The following RALGAPA1 variants were observed in gnomAD, a reference collection of about 807,000 sequenced individuals.
RALGAPA1 encodes ral GTPase-activating protein subunit alpha-1.
A neutral mutation model predicts 269.6 loss-of-function variants in RALGAPA1; 52 were observed. That is an observed-to-expected ratio of 0.19 (90% confidence interval 0.15 to 0.24). The LOEUF (loss-of-function observed/expected upper bound fraction) is 0.24. Among genes scored for constraint, RALGAPA1 ranks in the 10% least tolerant of loss-of-function variants. The pLI is 1.00. For synonymous variants in RALGAPA1, 817 were observed against 1,008.3 expected, an observed-to-expected ratio of 0.81 and a Z score of 3.60; for missense variants, 1,917 against 3,013.9, an observed-to-expected ratio of 0.64 and a Z score of 8.52.
chr14:35,684,237 A>G (rs1354369660), intron 20 of RALGAPA1, among the ~76,000 whole-genome samples: 2 of 152,166 alleles, frequency 1.3e-5, no homozygotes, highest in Non-Finnish European at 2.9e-5. Flanking sequence ...CTTAGTTCCC[A>G]AGGTTTTGAC....
At chr14:35,773,045 T>C (rs977396693) in intron 3 of RALGAPA1, among the ~76,000 whole-genome samples, 3 of 152,172 alleles carry the variant, frequency 2.0e-5, no homozygotes, top group African/African-American at 7.2e-5. Flanking sequence ...ATAATTATAT[T>C]TATTTTTGTA....
chr14:35,611,806 A>G (rs1488157170), intron 35 of RALGAPA1, among the ~76,000 whole-genome samples: 1 of 152,184 alleles, frequency 6.6e-6, no homozygotes, highest in Non-Finnish European at 1.5e-5. Context: ...AATTCACAGG[A>G]AAATGTAATA....
At chr14:35,632,639 CT>C (rs2061429576) in intron 33 of RALGAPA1, among the ~76,000 whole-genome samples, 1 of 152,138 alleles carries the variant, frequency 6.6e-6, no homozygotes, top group African/African-American at 2.4e-5. Flanking sequence ...CAAATGATGA[CT>C]TTTTGCTAAT....
At chr14:35,650,548 A>G (rs182697984) in intron 31 of RALGAPA1, among the ~76,000 whole-genome samples, 44 of 152,316 alleles carry the variant, frequency 2.9e-4, no homozygotes, top group African/African-American at 8.9e-4. Flanking sequence ...GTTTTGAGGT[A>G]AACACATGAA....
intron 16 of RALGAPA1, among the ~76,000 whole-genome samples, chr14:35,700,573 G>A (rs2067256809): frequency 1.3e-5 from 2 of 152,106 alleles, no homozygotes; most frequent in Non-Finnish European, 2.9e-5. Context: ...TTAAACAACA[G>A]CAGACACTTT....
intron 7 of RALGAPA1, among the ~76,000 whole-genome samples, chr14:35,755,291 T>A (rs2073073375): frequency 6.6e-6 from 1 of 152,098 alleles, no homozygotes. Flanking sequence ...AGGTTGAGGC[T>A]GCCGTAAGCC....
Position 35,556,321 on chromosome 14 carries a change from A to G in RALGAPA1, c.7497-7087T>C, listed in dbSNP as rs116422371. 5.3e-3 allele frequency among the ~76,000 whole-genome samples: 809 copies of G among 152,310 alleles called. 7 individuals carry two copies. Among genetic ancestry groups the G allele is most frequent in the African/African-American group, 0.018 (763 of 41,572 alleles). On this transcript the variant is annotated intron_variant, in intron 39 of 41. Transcript: ENST00000680220. ...AATATATAATATACACTGTTCATTT[A>G]TAAGATGAAAGCAAACTATACTGCT...
chr14:35,626,996 T>C, intron 34 of RALGAPA1, 94 bp downstream of exon 34: 1 of 1,260,990 alleles, frequency 7.9e-7, no homozygotes, highest in Non-Finnish European at 1.0e-6. Context: ...AGATAAAATT[T>C]AGTGAGGAAA....
At chr14:35,565,496 C>T (rs1161504381) in intron 39 of RALGAPA1, among the ~76,000 whole-genome samples, 3 of 152,014 alleles carry the variant, frequency 2.0e-5, no homozygotes, top group Non-Finnish European at 4.4e-5. Flanking sequence ...CAGTTAAATA[C>T]TTTAAGAGAA....
chr14:35,670,821 G>A, intron 26 of RALGAPA1, among the ~76,000 whole-genome samples: 1 of 152,028 alleles, frequency 6.6e-6, no homozygotes, highest in South Asian at 2.1e-4. Flanking sequence ...TATTGAAGAG[G>A]CTGAGGCAGG....
chr14:35,629,693 G>A (rs1234560259), intron 33 of RALGAPA1, among the ~76,000 whole-genome samples: 5 of 152,046 alleles, frequency 3.3e-5, no homozygotes, highest in South Asian at 2.1e-4. Context: ...TAGAGACTGC[G>A]TTTCACCATA....
At chr14:35,565,764 A>C (rs887420808) in intron 39 of RALGAPA1, among the ~76,000 whole-genome samples, 1 of 152,132 alleles carries the variant, frequency 6.6e-6, no homozygotes, top group African/African-American at 2.4e-5. Context: ...ATCTCACTAA[A>C]AGAAGAAACA....
intron 4 of RALGAPA1, 118 bp downstream of exon 4, chr14:35,770,824 T>C (rs1393533985): frequency 9.4e-5 from 37 of 393,140 alleles, no homozygotes; most frequent in Non-Finnish European, 1.7e-4. Context: ...TTGTATTCTT[T>C]ATTTTCTTTT....
chr14:35,764,595 G>C (rs2141405378), intron 4 of RALGAPA1, among the ~76,000 whole-genome samples: 1 of 152,136 alleles, frequency 6.6e-6, no homozygotes, highest in African/African-American at 2.4e-5. Flanking sequence ...ACCCAGGCTA[G>C]AGTGCAGTGG....
chr14:35,644,886 C>T (rs2062289930), intron 31 of RALGAPA1, among the ~76,000 whole-genome samples: 1 of 152,120 alleles, frequency 6.6e-6, no homozygotes, highest in Non-Finnish European at 1.5e-5. Context: ...GCACATTCTG[C>T]ACATGTATCC....
At chr14:35,548,565 T>A (rs746242549) in intron 40 of RALGAPA1, 27 bp from the exon 41 acceptor site, 6 of 1,496,562 alleles carry the variant, frequency 4.0e-6, no homozygotes, top group Non-Finnish European at 5.5e-6. Context: ...AATGAAACAA[T>A]CATAAGGAGA....
intron 1 of RALGAPA1, among the ~76,000 whole-genome samples, chr14:35,789,250 C>G (rs961946538): frequency 4.0e-5 from 6 of 151,558 alleles, no homozygotes; most frequent in Non-Finnish European, 8.8e-5. Context: ...AGCTACGGCA[C>G]AGGTATCACA....
At chr14:35,800,044 C>A (rs1359908533) in intron 1 of RALGAPA1, among the ~76,000 whole-genome samples, 3 of 152,102 alleles carry the variant, frequency 2.0e-5, no homozygotes, top group Non-Finnish European at 1.5e-5. Context: ...AAGAAATAAT[C>A]CTAAAGGTTT....
At chr14:35,552,088 A>C (rs1335359387) in intron 39 of RALGAPA1, among the ~76,000 whole-genome samples, 2 of 152,154 alleles carry the variant, frequency 1.3e-5, no homozygotes, top group Non-Finnish European at 1.5e-5. Flanking sequence ...TGATCTTTAT[A>C]AGTTTCCCAG....
Sources: allele counts gnomAD v4.1 joint callset (sites outside exome capture counted in the v4.1 genomes callset), GRCh38; gene constraint gnomAD v4.1.1; transcripts MANE v1.5; gene names NCBI Gene and HGNC (gene_info 2026-07-23, HGNC 2026-07-21).